Variants in SLC39A10 observed in about 807,000 individuals in gnomAD.
SLC39A10 encodes solute carrier family 39 member 10, also known as zinc transporter ZIP10.
Under a neutral mutation model 65.1 loss-of-function variants are expected in SLC39A10, and 13 were observed. The observed-to-expected ratio is 0.20, with a 90% CI of 0.13 to 0.32. The LOEUF (loss-of-function observed/expected upper bound fraction) is 0.32, where lower values mean the gene tolerates loss of function less well. Among genes scored for constraint, SLC39A10 ranks in the 10% least tolerant of loss-of-function variants. The probability of loss-of-function intolerance (pLI) is 1.00; values close to 1 mark genes in which losing one functional copy is unlikely to be tolerated. For synonymous variants in SLC39A10, 321 were observed against 342.2 expected, an observed-to-expected ratio of 0.94 and a Z score of 0.68; for missense variants, 831 against 1,018.4, an observed-to-expected ratio of 0.82 and a Z score of 2.50.
At chr2:195,623,962 G>A (rs1688405871) in intron 2 of SLC39A10, among the ~76,000 whole-genome samples, 1 of 150,048 alleles carries the variant, frequency 6.7e-6, no homozygotes, top group Non-Finnish European at 1.5e-5. Context: ...TGCAGGTTGG[G>A]AAAAATTACA....
At position 195,644,224 on chromosome 2, in the gene SLC39A10, T is replaced by C. The variant is rs559163606; in HGVS notation, c.-11-35808T>C. ...GCCAATTAATTTGAAAATCTGGGTT[T>C]GGTGGCTCACGCCTGTGATCCCAGC... On this transcript the variant is annotated intron_variant, in intron 2 of 2. Transcript: ENST00000458054. Among the ~76,000 whole-genome samples the C allele has an allele frequency of 8.8e-4, 134 of 152,008 alleles. 2 individuals are homozygous for C. The highest frequency in any genetic ancestry group is 3.1e-4 in the Non-Finnish European group (21 of 67,960).
intron 1 of SLC39A10, among the ~76,000 whole-genome samples, chr2:195,659,088 C>G (rs1367092530): frequency 1.3e-5 from 2 of 152,116 alleles, no homozygotes; most frequent in Non-Finnish European, 2.9e-5. Flanking sequence ...TAATTTTTGC[C>G]TGCATTCGTA....
chr2:195,663,282 A>G (rs114955508), intron 1 of SLC39A10, among the ~76,000 whole-genome samples: 175 of 152,214 alleles, frequency 1.1e-3, no homozygotes, highest in African/African-American at 3.8e-3. Context: ...GCCTTTAAAC[A>G]AATATTTTGG....
intron 1 of SLC39A10, among the ~76,000 whole-genome samples, chr2:195,672,538 T>A (rs1689907241): frequency 6.6e-6 from 1 of 152,250 alleles, no homozygotes; most frequent in South Asian, 2.1e-4. Flanking sequence ...GGTTTAGTAT[T>A]ACCTCATAAC....
Position 195,708,850 on chromosome 2 carries a change from T to C in SLC39A10, c.1575+6T>C, listed in dbSNP as rs748488194. On this transcript the variant is annotated splice_donor_region_variant and intron_variant, in intron 5 of 9. Transcript: ENST00000359634. Reference sequence around the variant, plus strand: ...AGCACTACAAACAACAAAGAGTAAGTATTTTTTATTTATTTAATTTTATAC... The same window carrying C: ...AGCACTACAAACAACAAAGAGTAAGCATTTTTTATTTATTTAATTTTATAC... The C allele has an allele frequency of 1.3e-6, 2 of 1,569,788 alleles. No individual in the cohort carries two copies. Among genetic ancestry groups the C allele is most frequent in the Non-Finnish European group, 1.7e-6 (2 of 1,159,090 alleles).
At chr2:195,723,439 A>G (rs1692122293) in intron 8 of SLC39A10, among the ~76,000 whole-genome samples, 1 of 152,218 alleles carries the variant, frequency 6.6e-6, no homozygotes, top group Non-Finnish European at 1.5e-5. Flanking sequence ...GGGACCATCC[A>G]GAGGGCAGGA....
At chr2:195,714,652 AC>A (rs1691720345) in intron 6 of SLC39A10, among the ~76,000 whole-genome samples, 1 of 152,212 alleles carries the variant, frequency 6.6e-6, no homozygotes, top group Admixed American at 6.5e-5. Context: ...AGGGGAAAAA[AC>A]AACATAATTT....
At chr2:195,712,496 T>G (rs1574301645) in intron 5 of SLC39A10, among the ~76,000 whole-genome samples, 1 of 152,198 alleles carries the variant, frequency 6.6e-6, no homozygotes, top group East Asian at 1.9e-4. Flanking sequence ...ATCTGAAACA[T>G]AGTTAACAGC....
At position 195,663,701 on chromosome 2, in the gene SLC39A10, T is replaced by C. The variant is rs191539821; in HGVS notation, c.-12+6420T>C. On this transcript the variant is annotated intron_variant, in intron 1 of 9. Coordinates refer to ENST00000359634, the MANE Select transcript of SLC39A10 (RefSeq NM_020342.3). ...TGGTGTTTCAAGAATATAGAAGTTA[T>C]GAAAAAAAAAGAAATAAGAGAAAAG... is the stretch of plus-strand genomic sequence containing the variant. Among the ~76,000 whole-genome samples, 166 of 100,966 alleles carry C rather than the reference T, an allele frequency of 1.6e-3. 1 individual carries two copies. The highest frequency in any genetic ancestry group is 4.2e-3 in the Middle Eastern group (1 of 240). 66.2% of individuals were successfully genotyped at this position (100,966 alleles called of 152,430 possible). A position where few individuals can be genotyped will look rare whatever the true frequency, so the allele number is the denominator to read the frequency against.
chr2:195,717,118 T>A, intron 7 of SLC39A10, 113 bp downstream of exon 7: 1 of 1,406,854 alleles, frequency 7.1e-7, no homozygotes, highest in Non-Finnish European at 9.5e-7. Context: ...GGTCAGTTGA[T>A]TTTTCCCAAA....
At chr2:195,707,329 C>G (rs921913451) in intron 4 of SLC39A10, among the ~76,000 whole-genome samples, 1 of 152,164 alleles carries the variant, frequency 6.6e-6, no homozygotes, top group African/African-American at 2.4e-5. Flanking sequence ...AAAAGTTGCT[C>G]TCTATAACCT....
intron 1 of SLC39A10, among the ~76,000 whole-genome samples, chr2:195,672,025 A>G (rs1689880876): frequency 6.6e-6 from 1 of 152,064 alleles, no homozygotes; most frequent in Non-Finnish European, 1.5e-5. Flanking sequence ...ATTGAGAGAG[A>G]CAAAAACTTG....
chr2:195,719,182 G>T (rs143324004), intron 8 of SLC39A10, among the ~76,000 whole-genome samples: 1 of 150,420 alleles, frequency 6.6e-6, no homozygotes, highest in Non-Finnish European at 1.5e-5. Context: ...AGAAATGAGC[G>T]CTAGAAATGA....
chr2:195,665,581 ATTTAT>A (rs1689604521), intron 1 of SLC39A10, among the ~76,000 whole-genome samples: 1 of 152,228 alleles, frequency 6.6e-6, no homozygotes, highest in African/African-American at 2.4e-5. Flanking sequence ...CTAAAATTTA[ATTTAT>A]AATTGCCAAC....
intron 2 of SLC39A10, among the ~76,000 whole-genome samples, chr2:195,632,781 T>C (rs1018979478): frequency 6.7e-6 from 1 of 149,586 alleles, no homozygotes; most frequent in East Asian, 2.0e-4. Flanking sequence ...AATTCTGATG[T>C]GGTAATTTCT....
chr2:195,687,825 G>C (rs149951279), intron 3 of SLC39A10, among the ~76,000 whole-genome samples: 221 of 152,248 alleles, frequency 1.5e-3, no homozygotes, highest in African/African-American at 4.9e-3. Context: ...CACAAGATTG[G>C]CTCATTTAGT....
At chr2:195,622,051 C>A (rs1479851976) in intron 2 of SLC39A10, among the ~76,000 whole-genome samples, 3 of 152,130 alleles carry the variant, frequency 2.0e-5, no homozygotes, top group East Asian at 3.8e-4. Context: ...TTGTGCCTAT[C>A]ATTGTACTTT....
At chr2:195,619,411 A>T (rs1306097269) in intron 2 of SLC39A10, among the ~76,000 whole-genome samples, 3 of 152,256 alleles carry the variant, frequency 2.0e-5, no homozygotes, top group African/African-American at 7.2e-5. Context: ...AGGAGTTAGC[A>T]GAAGGAACAA....
In SLC39A10 at chr2:195,680,697, AAAACCC is replaced by A; in HGVS notation, c.657_662del (p.Thr220_Gln221del). The A allele has an allele frequency of 6.2e-7, 1 of 1,614,158 alleles. No homozygotes were observed. Among genetic ancestry groups the A allele is most frequent in the Non-Finnish European group, 8.5e-7 (1 of 1,180,036 alleles). On this transcript the variant is annotated inframe_deletion, in exon 2 of 10. Transcript: ENST00000359634. ...CAATGAACCTTCAACAGAGACCAAT[AAAACCC>A]AGGAACAATCTGATGTTAAACTACC...
Sources: gnomAD v4.1 joint callset for allele counts (sites outside exome capture counted in the v4.1 genomes callset) on GRCh38, gnomAD v4.1.1 for gene constraint, MANE v1.5 for transcripts, NCBI Gene and HGNC (gene_info 2026-07-23, HGNC 2026-07-21) for gene names.